Variants in TBCEL observed in about 807,000 individuals in gnomAD.
TBCEL encodes tubulin folding cofactor E like.
A neutral mutation model predicts 44.2 loss-of-function variants in TBCEL; 15 were observed. The ratio of observed to expected loss-of-function variants is 0.34; its 90% CI spans 0.23 to 0.52. The LOEUF (loss-of-function observed/expected upper bound fraction) is 0.52, where lower values mean the gene tolerates loss of function less well. Among genes scored for constraint, TBCEL ranks in the 20% least tolerant of loss-of-function variants. The probability of loss-of-function intolerance (pLI) is 0.95; values close to 1 mark genes in which losing one functional copy is unlikely to be tolerated. For synonymous variants in TBCEL, 171 were observed against 185.4 expected, an observed-to-expected ratio of 0.92 and a Z score of 0.63; for missense variants, 319 against 506.3, an observed-to-expected ratio of 0.63 and a Z score of 3.55.
intron 8 of TBCEL, among the ~76,000 whole-genome samples, chr11:121,081,684 C>T (rs1483564122): frequency 2.6e-5 from 4 of 152,124 alleles, no homozygotes; most frequent in African/African-American, 9.7e-5. Context: ...GAATTGCTTT[C>T]TCAAATTTAC....
intron 6 of TBCEL, 111 bp from the exon 7 acceptor site, chr11:121,058,234 T>C (rs1565499482): frequency 7.7e-7 from 1 of 1,305,782 alleles, no homozygotes; most frequent in East Asian, 2.5e-5. Context: ...GTTTAGTTTA[T>C]GATCATTTTA....
chr11:121,086,737 C>T lies in TBCEL; in HGVS notation c.957-41C>T, dbSNP rs778609189. ...TGGGAAGAAGTCCACAGTACATGTG[C>T]TAGTAGTTTAAGCTGACAGTGTTGT... On this transcript the variant is annotated intron_variant, in intron 8 of 8. Coordinates refer to ENST00000683345, the MANE Select transcript of TBCEL (RefSeq NM_001363644.2). The T allele has an allele frequency of 2.5e-5, 37 of 1,462,876 alleles. No homozygotes were observed. The South Asian group carries it at 4.1e-4, about 16-fold the overall frequency. 90.6% of individuals were successfully genotyped at this position (1,462,876 alleles called of 1,614,324 possible).
intron 2 of TBCEL, among the ~76,000 whole-genome samples, chr11:121,039,134 C>T (rs1945286155): frequency 6.6e-6 from 1 of 152,224 alleles, no homozygotes; most frequent in Admixed American, 6.5e-5. Context: ...GTCACCTCCA[C>T]AGTTGAATCT....
At chr11:121,073,484 T>C (rs1484448960) in intron 8 of TBCEL, among the ~76,000 whole-genome samples, 1 of 151,982 alleles carries the variant, frequency 6.6e-6, no homozygotes, top group Non-Finnish European at 1.5e-5. Context: ...TTTTTTATGC[T>C]GATCCTGTGT....
At chr11:121,034,044 G>A (rs567832023) in intron 1 of TBCEL, among the ~76,000 whole-genome samples, 103 of 152,056 alleles carry the variant, frequency 6.8e-4, no homozygotes, top group African/African-American at 2.4e-3. Context: ...TTTGACTATT[G>A]TAAATAATAC....
chr11:121,047,477 A>G (rs911133416), intron 3 of TBCEL, 51 bp from the exon 4 acceptor site: 3 of 1,603,810 alleles, frequency 1.9e-6, no homozygotes, highest in Middle Eastern at 1.7e-4. Context: ...GAACATATGT[A>G]GACAAGAATT....
rs997864401 is a variant in TBCEL, at chr11:121,024,557, C to G, written c.-126+266C>G. 2.0e-4 allele frequency among the ~76,000 whole-genome samples: 28 copies of G among 142,056 alleles called. No homozygotes were observed. In the East Asian group the frequency reaches 5.5e-3, roughly 28 times the overall value. The allele number at this position is 142,056 out of a possible 152,430, so 93.2% of individuals were successfully genotyped here. A position where few individuals can be genotyped will look rare whatever the true frequency, so the allele number is the denominator to read the frequency against. On this transcript the variant is annotated intron_variant, in intron 1 of 8. Transcript: ENST00000683345. Reference sequence around the variant, plus strand: ...GGCTGGGCTGGGCTGGGCTGGGGGACTGGTCCCGGGTTGGAGGAGGGCGTG... The same window carrying G: ...GGCTGGGCTGGGCTGGGCTGGGGGAGTGGTCCCGGGTTGGAGGAGGGCGTG...
intron 8 of TBCEL, among the ~76,000 whole-genome samples, chr11:121,081,862 C>T (rs989260860): frequency 6.6e-6 from 1 of 152,120 alleles, no homozygotes; most frequent in African/African-American, 2.4e-5. Context: ...TAAATCACAA[C>T]TCTAGTACTC....
chr11:121,033,404 T>C (rs1199946468), intron 1 of TBCEL, among the ~76,000 whole-genome samples: 2 of 152,178 alleles, frequency 1.3e-5, no homozygotes, highest in African/African-American at 4.8e-5. Context: ...CTCATGAACA[T>C]TGATAAAGGA....
At chr11:121,086,047 G>C (rs1946210573) in intron 8 of TBCEL, among the ~76,000 whole-genome samples, 2 of 152,008 alleles carry the variant, frequency 1.3e-5, no homozygotes, top group African/African-American at 4.8e-5. Context: ...GATAAAATCA[G>C]ATCTAGATCC....
At chr11:121,080,206 TAAAG>T (rs1159559392) in intron 8 of TBCEL, among the ~76,000 whole-genome samples, 1 of 152,190 alleles carries the variant, frequency 6.6e-6, no homozygotes, top group Non-Finnish European at 1.5e-5. Flanking sequence ...TTACATTTCT[TAAAG>T]AGAGAGATGT....
At chr11:121,027,594 A>G (rs1202915656) in intron 1 of TBCEL, among the ~76,000 whole-genome samples, 1 of 152,152 alleles carries the variant, frequency 6.6e-6, no homozygotes, top group East Asian at 1.9e-4. Context: ...GCCTCTGCTC[A>G]TGTACCTTCC....
chr11:121,041,193 G>A (rs1327984710), intron 2 of TBCEL, among the ~76,000 whole-genome samples: 1 of 152,114 alleles, frequency 6.6e-6, no homozygotes. Flanking sequence ...GTTTTCAGTT[G>A]TGTTGAGCTT....
At position 121,047,653 on chromosome 11, in the gene TBCEL, G is replaced by C. The variant is rs1945453544; in HGVS notation, c.259G>C (p.Glu87Gln). 15 of 1,612,350 alleles carry C rather than the reference G, an allele frequency of 9.3e-6. No individual in the cohort carries two copies. Among genetic ancestry groups the C allele is most frequent in the Non-Finnish European group, 1.3e-5 (15 of 1,179,002 alleles). Residue 87 changes from glutamate to glutamine, a missense_variant, in exon 4 of 9, where the codon GAA (glutamate) becomes CAA (glutamine). By Grantham distance (29) the Glu-to-Gln change is conservative (BLOSUM62 2). Transcript: ENST00000683345. ...SELDLSDNKL[E>Q]DWHEVSKIVS... is the part of the protein sequence containing the mutation. ...ACTAGATCTTTCTGACAACAAACTC[G>C]AAGACTGGCATGAGGTGAAGTTTTT... is the stretch of plus-strand genomic sequence containing the variant.
At chr11:121,083,098 C>T (rs1041513166) in intron 8 of TBCEL, among the ~76,000 whole-genome samples, 4 of 152,200 alleles carry the variant, frequency 2.6e-5, no homozygotes, top group African/African-American at 9.7e-5. Flanking sequence ...GCTTTTCAGT[C>T]TTGGTAGTAC....
Position 121,063,325 on chromosome 11 carries a change from C to T in TBCEL, c.956+3240C>T, listed in dbSNP as rs188749019. Among the ~76,000 whole-genome samples the T allele has an allele frequency of 2.7e-3, 411 of 152,248 alleles. 1 individual carries two copies. The highest frequency in any genetic ancestry group is 4.5e-3 in the Non-Finnish European group (303 of 68,012). ...TTCTACTAGGACTCTTCAATATCTA[C>T]GCATACATTTTCCCCATAGTTATAT... On this transcript the variant is annotated intron_variant, in intron 8 of 8. Coordinates refer to ENST00000683345, the MANE Select transcript of TBCEL (RefSeq NM_001363644.2).
At chr11:121,052,988 C>T (rs188296319) in intron 4 of TBCEL, among the ~76,000 whole-genome samples, 10 of 151,432 alleles carry the variant, frequency 6.6e-5, no homozygotes, top group Admixed American at 3.3e-4. Flanking sequence ...TATATAGTTA[C>T]GGATTTTTTT....
chr11:121,077,001 C>T (rs1946045322), intron 8 of TBCEL, among the ~76,000 whole-genome samples: 1 of 151,960 alleles, frequency 6.6e-6, no homozygotes, highest in Non-Finnish European at 1.5e-5. Context: ...ATAAATCCCA[C>T]TTGGTTATGA....
At chr11:121,071,374 G>T (rs1329425389) in intron 8 of TBCEL, among the ~76,000 whole-genome samples, 5 of 152,104 alleles carry the variant, frequency 3.3e-5, no homozygotes, top group African/African-American at 1.2e-4. Context: ...GAGGGCAGTG[G>T]TAGGAAGTAA....
Sources: gnomAD v4.1 joint callset for allele counts (sites outside exome capture counted in the v4.1 genomes callset) on GRCh38, gnomAD v4.1.1 for gene constraint, MANE v1.5 for transcripts, NCBI Gene and HGNC (gene_info 2026-07-23, HGNC 2026-07-21) for gene names.